The following YLPM1 variants were observed in gnomAD, a reference collection of about 807,000 sequenced individuals.
YLPM1 encodes the protein YLP motif containing 1, also known as YLP motif-containing protein 1.
Under a neutral mutation model 230.0 loss-of-function variants are expected in YLPM1, and 99 were observed. The ratio of observed to expected loss-of-function variants is 0.43; its 90% CI spans 0.37 to 0.51. The LOEUF (loss-of-function observed/expected upper bound fraction) is 0.51, where lower values mean the gene tolerates loss of function less well. Ranked by LOEUF, YLPM1 falls within the 20% of genes least tolerant of loss-of-function variation. YLPM1 has a pLI of 0.00. For synonymous variants in YLPM1, 984 were observed against 942.5 expected, an observed-to-expected ratio of 1.04 and a Z score of -0.81; for missense variants, 2,592 against 2,707.7, an observed-to-expected ratio of 0.96 and a Z score of 0.95.
At position 74,764,169 on chromosome 14, in the gene YLPM1, C is replaced by T. The variant is rs777252471; in HGVS notation, c.680C>T (p.Ser227Phe). 2.5e-6 allele frequency: 4 copies of T among 1,613,494 alleles called. No individual in the cohort carries two copies. In the African/African-American group the frequency reaches 5.4e-5, roughly 22 times the overall value. The stretch of plus-strand genomic sequence containing the variant: ...AGCCATTCCCAGTCCTACTTGCCCT[C>T]TTCTCAGGCATCTCCTTCCCGCCCC... ...YLSHSQSYLPSSQASPSRPSQ... is the reference protein window; with the variant it reads ...YLSHSQSYLPFSQASPSRPSQ... Residue 227 changes from serine (S) to phenylalanine (F), a missense_variant, in exon 1 of 21, where the codon TCT becomes TTT. Around this residue, in one of 4 missense-constraint regions of YLPM1, gnomAD observed 1,862 missense variants for 1,819.8 expected, o/e 1.02. Coordinates refer to ENST00000325680, the MANE Select transcript of YLPM1 (RefSeq NM_019589.3).
At chr14:74,803,827 C>G (rs956277902) in intron 6 of YLPM1, among the ~76,000 whole-genome samples, 2 of 152,102 alleles carry the variant, frequency 1.3e-5, no homozygotes, top group South Asian at 4.1e-4. Flanking sequence ...CATTTTAAGC[C>G]TATAGTTCGA....
intron 6 of YLPM1, among the ~76,000 whole-genome samples, chr14:74,808,893 T>G (rs1182948814): frequency 6.6e-6 from 1 of 152,072 alleles, no homozygotes; most frequent in Admixed American, 6.5e-5. Flanking sequence ...CCACTAACAA[T>G]CTAAAAGGGT....
chr14:74,816,176 T>C, intron 11 of YLPM1, 27 bp from the exon 12 acceptor site: 7 of 1,560,332 alleles, frequency 4.5e-6, no homozygotes, highest in Non-Finnish European at 6.1e-6. Context: ...AGTGATTTTT[T>C]TTTTTTTTTG....
Position 74,798,844 on chromosome 14 carries a change from T to C in YLPM1, c.3547T>C (p.Tyr1183His). 6.2e-7 allele frequency: 1 copy of C among 1,613,738 alleles called. No individual in the cohort carries two copies. The highest frequency in any genetic ancestry group is 8.5e-7 in the Non-Finnish European group (1 of 1,179,830). The change falls in exon 5 of 21, where the codon TAT (tyrosine) becomes CAT (histidine). Residue 1183 changes from tyrosine to histidine, a missense_variant. Physicochemically the swap from Tyr to His is moderately conservative, Grantham distance 83 (BLOSUM62 2). This residue lies in a region of YLPM1 where 1,862 missense variants were observed against 1,819.8 expected (regional missense o/e 1.02). Transcript: ENST00000325680. ...PGDGGEKMYP[Y>H]HRDEPPRAPW... ...AGATGGTGGGGAAAAAATGTATCCA[T>C]ATCACCGGGATGAGCCTCCTAGGGC...
rs768085986 is a variant in YLPM1 at position 74,764,038 on chromosome 14, C to T, written c.549C>T (p.Tyr183=). 2 of 1,612,038 alleles carry T rather than the reference C, an allele frequency of 1.2e-6. No homozygotes were observed. The highest frequency in any genetic ancestry group is 1.7e-5 in the Admixed American group (1 of 59,806). The part of the protein sequence containing the change: ...SYYPPTSSQP[Y]LPPAQPSPSQ... ...ACCCCCCGACCTCATCTCAGCCCTA[C>T]CTGCCTCCTGCTCAGCCGTCCCCTT... Residue 183 remains tyrosine (Y), a synonymous_variant, in exon 1 of 21, where the codon TAC becomes TAT. Transcript: ENST00000325680.
At chr14:74,819,784 T>C (rs1450998189) in intron 16 of YLPM1, among the ~76,000 whole-genome samples, 1 of 152,198 alleles carries the variant, frequency 6.6e-6, no homozygotes, top group Non-Finnish European at 1.5e-5. Flanking sequence ...TTCTCTTGGC[T>C]TTTGTGAATT....
intron 15 of YLPM1, 105 bp downstream of exon 15, chr14:74,817,382 T>C: frequency 1.9e-6 from 2 of 1,050,124 alleles, no homozygotes; most frequent in Non-Finnish European, 2.7e-6. Flanking sequence ...GATTATAATG[T>C]ATTTTTATTG....
chr14:74,809,362 A>G lies in YLPM1; in HGVS notation c.4522-18A>G. The G allele has an allele frequency of 6.3e-7, 1 of 1,586,876 alleles. No homozygotes were observed. Among genetic ancestry groups the G allele is most frequent in the Non-Finnish European group, 8.5e-7 (1 of 1,170,206 alleles). On this transcript the variant is annotated intron_variant, in intron 6 of 20. Coordinates refer to ENST00000325680, the MANE Select transcript of YLPM1 (RefSeq NM_019589.3). ...TAGTGGTATACTTGTCCACTAAGCT[A>G]TTTATTCTGTTCTCTAGCCTCCAGG...
intron 1 of YLPM1, among the ~76,000 whole-genome samples, chr14:74,773,114 C>A (rs868375191): frequency 6.6e-6 from 1 of 152,046 alleles, no homozygotes; most frequent in African/African-American, 2.4e-5. Flanking sequence ...GGTGAAACCC[C>A]GTCTCTACTA....
At chr14:74,790,816 T>G (rs1383552425) in intron 4 of YLPM1, among the ~76,000 whole-genome samples, 2 of 152,250 alleles carry the variant, frequency 1.3e-5, no homozygotes, top group African/African-American at 4.8e-5. Flanking sequence ...AGGTGGCTTA[T>G]TTTCATACAG....
At position 74,797,957 on chromosome 14, in the gene YLPM1, C is replaced by G. The variant is rs2091280544; in HGVS notation, c.2660C>G (p.Ala887Gly). 6.2e-7 allele frequency: 1 copy of G among 1,613,896 alleles called. No homozygotes were observed. The highest frequency in any genetic ancestry group is 1.3e-5 in the African/African-American group (1 of 74,994). ...ATGCAATCAGCTGCATTTTCCATTG[C>G]TGCAGATGTAAAGGATGTCAAGGCG... The part of the protein sequence containing the change: ...FKMQSAAFSI[A>G]ADVKDVKAAQ... Residue 887 changes from alanine (A) to glycine (G), a missense_variant, in exon 5 of 21, where the codon GCT becomes GGT. By Grantham distance (60) the Ala-to-Gly change is moderately conservative (BLOSUM62 0). Transcript: ENST00000325680.
intron 1 of YLPM1, among the ~76,000 whole-genome samples, chr14:74,770,046 G>A (rs1305091254): frequency 2.0e-5 from 3 of 151,914 alleles, no homozygotes; most frequent in Non-Finnish European, 4.4e-5. Context: ...GCCGGGCGTG[G>A]TGGTGGGCGC....
chr14:74,817,636 A>G (rs2091489736), intron 15 of YLPM1, among the ~76,000 whole-genome samples: 2 of 152,064 alleles, frequency 1.3e-5, no homozygotes, highest in South Asian at 2.1e-4. Context: ...TAAACCTCAT[A>G]TTATCTGTAT....
At chr14:74,824,411 C>A in intron 18 of YLPM1, 104 bp downstream of exon 18, 2 of 1,185,736 alleles carry the variant, frequency 1.7e-6, no homozygotes, top group African/African-American at 1.5e-5. Context: ...TCTACTTGAA[C>A]AGAGATTTCT....
At position 74,797,621 on chromosome 14, in the gene YLPM1, G is replaced by A; in HGVS notation, c.2324G>A (p.Cys775Tyr). Reference protein sequence around the residue: ...PRRFEDLGSRCEGPRPKGPRF... With the variant: ...PRRFEDLGSRYEGPRPKGPRF... Reference sequence around the variant, plus strand: ...AGATTTGAGGATTTAGGGTCAAGGTGTGAAGGACCGAGACCCAAAGGGCCT... The same window carrying A: ...AGATTTGAGGATTTAGGGTCAAGGTATGAAGGACCGAGACCCAAAGGGCCT... The change falls in exon 5 of 21, where the codon TGT becomes TAT. Residue 775 changes from cysteine (C) to tyrosine (Y), a missense_variant. Cys to Tyr is a radical substitution (Grantham distance 194). Around this residue, in one of 4 missense-constraint regions of YLPM1, gnomAD observed 1,862 missense variants for 1,819.8 expected, o/e 1.02. Transcript: ENST00000325680. 3 of 1,535,896 alleles carry A rather than the reference G, an allele frequency of 2.0e-6. No homozygotes were observed. Among genetic ancestry groups the A allele is most frequent in the Non-Finnish European group, 1.7e-6 (2 of 1,143,400 alleles).
In YLPM1 at chr14:74,798,032, G is replaced by T; in HGVS notation, c.2735G>T (p.Ser912Ile). The T allele has an allele frequency of 6.2e-7, 1 of 1,613,814 alleles. No homozygotes were observed. Among genetic ancestry groups the T allele is most frequent in the South Asian group, 1.1e-5 (1 of 91,074 alleles). ...GACTCTCAACAAGAGCCACCTAAAAGTGAAGTCTCGGAAGGGCCCGTAGAG... is the reference window on the plus strand; with the variant it reads ...GACTCTCAACAAGAGCCACCTAAAATTGAAGTCTCGGAAGGGCCCGTAGAG... The part of the protein sequence containing the change: ...LSDSQQEPPK[S>I]EVSEGPVEPS... The change falls in exon 5 of 21, where the codon AGT (serine) becomes ATT (isoleucine). Residue 912 changes from serine to isoleucine, a missense_variant. Ser to Ile is a moderately radical substitution (Grantham distance 142, BLOSUM62 -2). Transcript: ENST00000325680.
chr14:74,831,603 T>C (rs865962987), intron 19 of YLPM1, among the ~76,000 whole-genome samples: 3 of 152,272 alleles, frequency 2.0e-5, no homozygotes, highest in Admixed American at 6.5e-5. Flanking sequence ...CAAAGAGAAC[T>C]GAGTGGTGCA....
In YLPM1 at chr14:74,798,317, A is replaced by G. The variant is rs768261571; in HGVS notation, c.3020A>G (p.Asp1007Gly). 10 of 1,613,854 alleles carry G rather than the reference A, an allele frequency of 6.2e-6. No individual in the cohort carries two copies. The highest frequency in any genetic ancestry group is 8.5e-6 in the Non-Finnish European group (10 of 1,179,896). ...GGCCTGCCTCGGCCAGATAATAGAG[A>G]TAATAGATTAGAAGGCAATAGAGGC... ...DKGLPRPDNR[D>G]NRLEGNRGNS... Residue 1007 changes from aspartate (D) to glycine (G), a missense_variant, in exon 5 of 21, where the codon GAT (aspartate) becomes GGT (glycine). This residue lies in a region of YLPM1 where 1,862 missense variants were observed against 1,819.8 expected (regional missense o/e 1.02). Transcript: ENST00000325680.
At chr14:74,803,154 A>G (rs992593050) in intron 6 of YLPM1, among the ~76,000 whole-genome samples, 4 of 151,666 alleles carry the variant, frequency 2.6e-5, no homozygotes, top group South Asian at 4.2e-4. Context: ...GGGCCTCGTG[A>G]TGCTTCCTAC....
Sources: gnomAD v4.1 joint callset for allele counts (sites outside exome capture counted in the v4.1 genomes callset) on GRCh38, gnomAD v4.1.1 for gene constraint, gnomAD v4.1.1 regional missense constraint, MANE v1.5 for transcripts, NCBI Gene and HGNC (gene_info 2026-07-23, HGNC 2026-07-21) for gene names.